Variants in STPG2 observed in about 807,000 individuals in gnomAD.
The protein encoded by STPG2 is sperm-tail PG-rich repeat-containing protein 2.
A neutral mutation model predicts 54.2 loss-of-function variants in STPG2; 56 were observed. That is an observed-to-expected ratio of 1.03 (90% CI 0.83 to 1.29). STPG2 has a LOEUF of 1.29. Among genes scored for constraint, STPG2 ranks in the 50% most tolerant of loss-of-function variants. The probability of loss-of-function intolerance (pLI) is 0.00; values close to 1 mark genes in which losing one functional copy is unlikely to be tolerated. For synonymous variants in STPG2, 200 were observed against 181.8 expected, an observed-to-expected ratio of 1.10 and a Z score of -0.81; for missense variants, 596 against 544.9, an observed-to-expected ratio of 1.09 and a Z score of -0.93.
At chr4:98,010,986 G>A (rs1341127203) in intron 5 of STPG2, among the ~76,000 whole-genome samples, 1 of 151,956 alleles carries the variant, frequency 6.6e-6, no homozygotes, top group East Asian at 1.9e-4. Flanking sequence ...TTAAGTTCTG[G>A]GATACATGTG....
At chr4:97,958,954 G>C (rs777832844) in intron 7 of STPG2, among the ~76,000 whole-genome samples, 1 of 152,096 alleles carries the variant, frequency 6.6e-6, no homozygotes, top group Non-Finnish European at 1.5e-5. Context: ...TGTTCTCCAA[G>C]ATAGACCATA....
chr4:97,631,475 C>T (rs1721276416), intron 10 of STPG2, among the ~76,000 whole-genome samples: 1 of 152,014 alleles, frequency 6.6e-6, no homozygotes, highest in African/African-American at 2.4e-5. Flanking sequence ...AGAATATATT[C>T]TGTAATTTTT....
intron 9 of STPG2, 63 bp from the exon 10 acceptor site, chr4:97,712,877 T>C: frequency 2.6e-6 from 3 of 1,159,204 alleles, no homozygotes; most frequent in South Asian, 3.4e-5. Flanking sequence ...ATTTTGGTCA[T>C]ATGAATATTA....
chr4:98,088,243 T>C (rs1315438916), intron 5 of STPG2, among the ~76,000 whole-genome samples: 1 of 152,162 alleles, frequency 6.6e-6, no homozygotes, highest in African/African-American at 2.4e-5. Flanking sequence ...ATTACAATAG[T>C]TTAGTATTTC....
At chr4:97,745,273 AAC>A in intron 9 of STPG2, among the ~76,000 whole-genome samples, 1 of 150,862 alleles carries the variant, frequency 6.6e-6, no homozygotes, top group South Asian at 2.1e-4. Flanking sequence ...CAAAAAAAAA[AAC>A]AATTGCAGAA....
chr4:97,817,512 T>G (rs1252187617), intron 9 of STPG2, among the ~76,000 whole-genome samples: 2 of 152,004 alleles, frequency 1.3e-5, no homozygotes, highest in African/African-American at 4.8e-5. Context: ...CAAATTTTCC[T>G]TATAAATAGA....
chr4:97,963,842 C>G (rs1733991102), intron 7 of STPG2, among the ~76,000 whole-genome samples: 1 of 151,790 alleles, frequency 6.6e-6, no homozygotes, highest in Admixed American at 6.6e-5. Context: ...GTCTAGAAAT[C>G]TAGCAATCTA....
At chr4:98,002,912 T>A (rs934637062) in intron 5 of STPG2, among the ~76,000 whole-genome samples, 6 of 152,144 alleles carry the variant, frequency 3.9e-5, no homozygotes, top group African/African-American at 1.4e-4. Context: ...CATACATTTT[T>A]AAATTAGCAT....
At chr4:97,541,192 A>T (rs946576839) in intron 4 of STPG2, among the ~76,000 whole-genome samples, 10 of 152,162 alleles carry the variant, frequency 6.6e-5, no homozygotes, top group African/African-American at 1.9e-4. Flanking sequence ...CCCTGTTTGC[A>T]GATGACATGA....
intron 10 of STPG2, among the ~76,000 whole-genome samples, chr4:97,617,912 G>T (rs1336809237): frequency 2.6e-5 from 4 of 152,060 alleles, no homozygotes; most frequent in African/African-American, 4.8e-5. Flanking sequence ...GGTTAGATAG[G>T]TCTCTATTAT....
intron 4 of STPG2, among the ~76,000 whole-genome samples, chr4:97,538,894 T>A (rs1731613976): frequency 6.7e-6 from 1 of 149,412 alleles, no homozygotes; most frequent in Non-Finnish European, 1.5e-5. Context: ...TATTCAACAT[T>A]CTTAAAGAAA....
chr4:97,688,508 A>T (rs1309668255), intron 10 of STPG2, among the ~76,000 whole-genome samples: 1 of 152,140 alleles, frequency 6.6e-6, no homozygotes, highest in Non-Finnish European at 1.5e-5. Flanking sequence ...CTGGGACTAC[A>T]GGCACCCGCC....
rs58111236 is a variant in STPG2 at position 97,939,941 on chromosome 4, G to T, written c.1044+3956C>A. 8.7e-4 allele frequency among the ~76,000 whole-genome samples: 133 copies of T among 152,250 alleles called. 1 individual carries two copies. In the East Asian group the frequency reaches 9.4e-3, roughly 11 times the overall value. ...ATGTGTTTCATATTAGCTGGTAGTGGTGTTTCCTTTCTATACATGGAGCTT... is the reference window on the plus strand; with the variant it reads ...ATGTGTTTCATATTAGCTGGTAGTGTTGTTTCCTTTCTATACATGGAGCTT... On this transcript the variant is annotated intron_variant, in intron 8 of 10. Transcript: ENST00000295268.
At chr4:97,847,957 G>A (rs1004586680) in intron 8 of STPG2, among the ~76,000 whole-genome samples, 4 of 152,030 alleles carry the variant, frequency 2.6e-5, no homozygotes, top group South Asian at 2.1e-4. Flanking sequence ...TACTTATTAC[G>A]TGGCAGTTGT....
intron 10 of STPG2, among the ~76,000 whole-genome samples, chr4:97,561,957 G>GT (rs1360803673): frequency 3.9e-5 from 6 of 152,142 alleles, no homozygotes; most frequent in Non-Finnish European, 8.8e-5. Flanking sequence ...CTTTAAAGTA[G>GT]TTTTTTCCAA....
chr4:97,547,567 C>T (rs1051593755), intron 4 of STPG2, among the ~76,000 whole-genome samples: 1 of 152,142 alleles, frequency 6.6e-6, no homozygotes, highest in Non-Finnish European at 1.5e-5. Context: ...TTAGAAAGTA[C>T]TCTGCCTGCA....
chr4:97,550,263 G>A (rs994589078), intron 4 of STPG2, among the ~76,000 whole-genome samples: 2 of 151,766 alleles, frequency 1.3e-5, no homozygotes, highest in African/African-American at 4.8e-5. Flanking sequence ...GGTCTTAAAA[G>A]TATTTTGTAT....
intron 5 of STPG2, among the ~76,000 whole-genome samples, chr4:98,022,637 C>T (rs1324741397): frequency 1.3e-5 from 2 of 152,068 alleles, no homozygotes; most frequent in Non-Finnish European, 2.9e-5. Flanking sequence ...CCATTTTCCC[C>T]ATCACTTTCA....
chr4:97,730,403 C>T (rs1724760510), intron 9 of STPG2, among the ~76,000 whole-genome samples: 1 of 152,210 alleles, frequency 6.6e-6, no homozygotes, highest in East Asian at 1.9e-4. Flanking sequence ...CAATACACCA[C>T]TGATGGATGC....
Sources: gnomAD v4.1 joint callset for allele counts (sites outside exome capture counted in the v4.1 genomes callset) on GRCh38, gnomAD v4.1.1 for gene constraint, MANE v1.5 for transcripts, NCBI Gene and HGNC (gene_info 2026-07-23, HGNC 2026-07-21) for gene names.